Variants in LINGO2 observed in about 807,000 individuals in gnomAD.
The protein encoded by LINGO2 is leucine-rich repeat and immunoglobulin-like domain-containing nogo receptor-interacting protein 2.
Under a neutral mutation model 30.6 loss-of-function variants are expected in LINGO2, and 14 were observed. The ratio of observed to expected loss-of-function variants is 0.46; its 90% confidence interval spans 0.30 to 0.72. The LOEUF (loss-of-function observed/expected upper bound fraction) is 0.72, where lower values mean the gene tolerates loss of function less well. Among genes scored for constraint, LINGO2 ranks in the 30% least tolerant of loss-of-function variants. The pLI is 0.07. For missense variants in LINGO2, 729 were observed against 751.7 expected (o/e 0.97, Z 0.35); for synonymous variants, 317 against 288.5 (o/e 1.10, Z -1.00).
intron 1 of LINGO2, among the ~76,000 whole-genome samples, chr9:28,489,888 C>A (rs1214869213): frequency 6.6e-5 from 6 of 91,196 alleles, no homozygotes; most frequent in Admixed American, 1.6e-4. Flanking sequence ...CAGAGCAAGA[C>A]TTTGTCTCAA....
chr9:29,087,582 G>T, the LINGO2 span, among the ~76,000 whole-genome samples: 1 of 152,120 alleles, frequency 6.6e-6, no homozygotes, highest in African/African-American at 2.4e-5. Context: ...TGTTTCCCAA[G>T]ACTGGGACTC....
At chr9:28,774,041 TACACACACACACAC>T in the LINGO2 span, among the ~76,000 whole-genome samples, 9,764 of 146,870 alleles carry the variant, frequency 0.066, 1,054 homozygotes, top group African/African-American at 0.23. Context: ...TTCTTTTTGA[TACACACACACACAC>T]ACACACACAC....
At chr9:28,543,551 G>C (rs1278039441) in intron 1 of LINGO2, among the ~76,000 whole-genome samples, 1 of 151,904 alleles carries the variant, frequency 6.6e-6, no homozygotes, top group African/African-American at 2.4e-5. Context: ...GAATTTTTAT[G>C]AATTTTGAGT....
chr9:29,103,950 CT>C, the LINGO2 span, among the ~76,000 whole-genome samples: 120 of 152,250 alleles, frequency 7.9e-4, 2 homozygotes, highest in East Asian at 0.022. Flanking sequence ...TTCTGGGCTT[CT>C]TTTCTCTAAA....
At chr9:29,033,730 G>T in the LINGO2 span, among the ~76,000 whole-genome samples, 1 of 151,992 alleles carries the variant, frequency 6.6e-6, no homozygotes, top group African/African-American at 2.4e-5. Context: ...TTTCTGAAGA[G>T]TGAGAAAATG....
At chr9:28,028,091 C>G (rs1301999846) in intron 4 of LINGO2, among the ~76,000 whole-genome samples, 1 of 152,058 alleles carries the variant, frequency 6.6e-6, no homozygotes, top group Non-Finnish European at 1.5e-5. Context: ...TAGTGTTTGT[C>G]TTTTTTCTCT....
chr9:28,433,941 CTCTCTCTCTA>C (rs1236628474), intron 2 of LINGO2, among the ~76,000 whole-genome samples: 17 of 49,684 alleles, frequency 3.4e-4, no homozygotes, highest in East Asian at 3.0e-3. Context: ...CTCTCTCTCT[CTCTCTCTCTA>C]TATATATATA....
At chr9:28,645,967 C>T (rs1827823089) in intron 1 of LINGO2, among the ~76,000 whole-genome samples, 1 of 151,964 alleles carries the variant, frequency 6.6e-6, no homozygotes, top group African/African-American at 2.4e-5. Flanking sequence ...TAACTATTTA[C>T]CTAAGTTTCT....
chr9:28,665,762 A>AT (rs1430968977), intron 1 of LINGO2, among the ~76,000 whole-genome samples: 4 of 152,164 alleles, frequency 2.6e-5, no homozygotes, highest in Non-Finnish European at 5.9e-5. Flanking sequence ...AATGAAAATG[A>AT]TTCATATCAT....
chr9:28,402,011 T>C (rs1210019619), intron 2 of LINGO2, among the ~76,000 whole-genome samples: 1 of 152,130 alleles, frequency 6.6e-6, no homozygotes, highest in African/African-American at 2.4e-5. Context: ...TATATTTAAG[T>C]GTTCTTTAGA....
chr9:28,152,369 T>C (rs1428962886), intron 4 of LINGO2, among the ~76,000 whole-genome samples: 1 of 152,116 alleles, frequency 6.6e-6, no homozygotes, highest in Non-Finnish European at 1.5e-5. Flanking sequence ...CCTCTTCCGT[T>C]TCTGCCTGAG....
At chr9:28,178,217 C>T (rs1034435414) in intron 4 of LINGO2, among the ~76,000 whole-genome samples, 3 of 152,066 alleles carry the variant, frequency 2.0e-5, no homozygotes, top group African/African-American at 7.2e-5. Context: ...TACAGATACC[C>T]GCAGCTCCCA....
At chr9:28,649,708 G>A (rs1828002046) in intron 1 of LINGO2, among the ~76,000 whole-genome samples, 1 of 152,066 alleles carries the variant, frequency 6.6e-6, no homozygotes, top group Admixed American at 6.6e-5. Flanking sequence ...GAAAAAAATT[G>A]TAAAAGCTGT....
At chr9:28,353,717 G>A (rs375578840) in intron 3 of LINGO2, among the ~76,000 whole-genome samples, 21 of 152,054 alleles carry the variant, frequency 1.4e-4, no homozygotes, top group Non-Finnish European at 2.1e-4. Context: ...TGTTTATTGC[G>A]GCACTATTCA....
intron 5 of LINGO2, among the ~76,000 whole-genome samples, chr9:27,996,740 A>T (rs1344216542): frequency 3.3e-5 from 5 of 152,198 alleles, no homozygotes; most frequent in African/African-American, 1.2e-4. Flanking sequence ...TATATTTCAA[A>T]ATAGCTAGAA....
At chr9:28,434,888 A>G (rs1214792771) in intron 2 of LINGO2, among the ~76,000 whole-genome samples, 3 of 152,152 alleles carry the variant, frequency 2.0e-5, no homozygotes, top group Non-Finnish European at 4.4e-5. Flanking sequence ...GAAAAATGAA[A>G]CACTGATATA....
the LINGO2 span, among the ~76,000 whole-genome samples, chr9:28,873,999 C>T: frequency 2.0e-5 from 3 of 151,868 alleles, no homozygotes; most frequent in African/African-American, 7.2e-5. Context: ...TTAAGTAAAT[C>T]TAATGTAATG....
At chr9:27,985,782 C>G (rs1483784638) in intron 5 of LINGO2, among the ~76,000 whole-genome samples, 2 of 147,916 alleles carry the variant, frequency 1.4e-5, no homozygotes, top group Non-Finnish European at 3.0e-5. Context: ...TCCTGAATAT[C>G]CCAGCAAACA....
the LINGO2 span, among the ~76,000 whole-genome samples, chr9:28,707,950 A>C: frequency 2.0e-5 from 3 of 152,144 alleles, no homozygotes; most frequent in Non-Finnish European, 4.4e-5. Flanking sequence ...GTGAAATTAC[A>C]CTGAACTCAT....
Sources: allele counts gnomAD v4.1 joint callset (sites outside exome capture counted in the v4.1 genomes callset), GRCh38; gene constraint gnomAD v4.1.1; transcripts MANE v1.5; gene names NCBI Gene and HGNC (gene_info 2026-07-23, HGNC 2026-07-21).